The following SEM1 variants were observed in gnomAD, a reference collection of about 807,000 sequenced individuals.
The protein encoded by SEM1 is SEM1 26S proteasome subunit.
In SEM1, 3 loss-of-function variants were observed where a neutral mutation model predicts 12.7. The ratio of observed to expected loss-of-function variants is 0.24; its 90% CI spans 0.11 to 0.61. The LOEUF (loss-of-function observed/expected upper bound fraction) is 0.61, where lower values mean the gene tolerates loss of function less well. Ranked by LOEUF, SEM1 falls within the 20% of genes least tolerant of loss-of-function variation. SEM1 has a pLI of 0.88. For missense variants in SEM1, 59 were observed against 81.3 expected (o/e 0.73, Z 1.06); for synonymous variants, 30 against 27.8 (o/e 1.08, Z -0.25).
intron 2 of SEM1, among the ~76,000 whole-genome samples, chr7:96,529,617 T>TAAA (rs11442837): frequency 6.6e-6 from 1 of 150,450 alleles, no homozygotes; most frequent in Admixed American, 6.6e-5. Flanking sequence ...CAGCTCTTGA[T>TAAA]AAAAAAAAAA....
chr7:96,518,562 C>A (rs1172420168), intron 2 of SEM1, among the ~76,000 whole-genome samples: 1 of 152,038 alleles, frequency 6.6e-6, no homozygotes, highest in Non-Finnish European at 1.5e-5. Context: ...GTTGGGATAT[C>A]ACTGCTGCCA....
intron 1 of SEM1, among the ~76,000 whole-genome samples, chr7:96,707,375 C>T (rs535365791): frequency 6.6e-6 from 1 of 152,308 alleles, no homozygotes; most frequent in Non-Finnish European, 1.5e-5. Context: ...GTGGTTTCAC[C>T]TTGTGGGATG....
At chr7:96,707,581 T>A (rs1417359327) in intron 1 of SEM1, among the ~76,000 whole-genome samples, 5 of 152,248 alleles carry the variant, frequency 3.3e-5, no homozygotes, top group Admixed American at 6.5e-5. Context: ...AATTACTTAA[T>A]GTTAATAAAC....
chr7:96,517,544 T>G (rs1176168776), intron 2 of SEM1, among the ~76,000 whole-genome samples: 2 of 152,160 alleles, frequency 1.3e-5, no homozygotes, highest in Non-Finnish European at 2.9e-5. Context: ...TTTTAGCACA[T>G]ATGTCTATAA....
At chr7:96,688,437 G>A (rs938756860), downstream of SEM1, 3 of 152,008 alleles carry the variant, frequency 2.0e-5, no homozygotes, top group African/African-American at 7.3e-5. Flanking sequence ...TTAAAACACA[G>A]GTTTTGAAAG....
chr7:96,514,279 A>C (rs77648718), intron 2 of SEM1, among the ~76,000 whole-genome samples: 1 of 151,990 alleles, frequency 6.6e-6, no homozygotes, highest in Non-Finnish European at 1.5e-5. Flanking sequence ...GAGTCTTGCT[A>C]TGTTGCCCAG....
intron 2 of SEM1, among the ~76,000 whole-genome samples, chr7:96,520,184 C>T (rs966093217): frequency 4.6e-5 from 7 of 152,132 alleles, no homozygotes; most frequent in African/African-American, 1.7e-4. Context: ...CCAAGGGTCA[C>T]TCATCATACT....
At chr7:96,645,667 T>G in intron 2 of SEM1, 2 of 397,160 alleles carry the variant, frequency 5.0e-6, no homozygotes, top group East Asian at 7.1e-5. Flanking sequence ...TACACAGTAG[T>G]TTTATTTTCA....
chr7:96,632,604 A>G (rs2116343976), intron 2 of SEM1, among the ~76,000 whole-genome samples: 1 of 152,236 alleles, frequency 6.6e-6, no homozygotes, highest in Middle Eastern at 3.4e-3. Context: ...CCTAATGCAG[A>G]TGACAGGTTG....
At chr7:96,523,002 G>A (rs185102892) in intron 2 of SEM1, among the ~76,000 whole-genome samples, 1 of 151,916 alleles carries the variant, frequency 6.6e-6, no homozygotes, top group African/African-American at 2.4e-5. Context: ...TTGCCAATAG[G>A]CTGCTTCTGC....
At chr7:96,673,586 C>T (rs1183375517) in exon 3 of SEM1, 2 of 614,546 alleles carry the variant, frequency 3.3e-6, no homozygotes, top group Non-Finnish European at 5.9e-6. Context: ...CCAGGCTGGA[C>T]CTTCACCCAG....
At chr7:96,681,425 G>C (rs1224632781) in intron 2 of SEM1, among the ~76,000 whole-genome samples, 2 of 152,074 alleles carry the variant, frequency 1.3e-5, no homozygotes, top group African/African-American at 4.8e-5. Context: ...AGTGGGAGTA[G>C]ATAGATTCTT....
At chr7:96,605,282 C>G (rs1807315082) in intron 2 of SEM1, among the ~76,000 whole-genome samples, 1 of 151,992 alleles carries the variant, frequency 6.6e-6, no homozygotes, top group Admixed American at 6.6e-5. Flanking sequence ...GTACAGAGGC[C>G]AAAACTAAAT....
chr7:96,672,653 A>G (rs1288831371), downstream of SEM1: 3 of 152,156 alleles, frequency 2.0e-5, no homozygotes, highest in African/African-American at 7.2e-5. Context: ...CACCATCCCA[A>G]ATCTGATTCT....
chr7:96,704,931 A>C (rs1312061613), intron 1 of SEM1, among the ~76,000 whole-genome samples: 3 of 152,234 alleles, frequency 2.0e-5, no homozygotes, highest in African/African-American at 7.2e-5. Context: ...TGCAGGCACA[A>C]ATATAAAATC....
intron 2 of SEM1, among the ~76,000 whole-genome samples, chr7:96,542,867 T>C (rs992662093): frequency 8.6e-5 from 13 of 151,876 alleles, no homozygotes; most frequent in African/African-American, 3.1e-4. Context: ...TGGACAAAGA[T>C]CTGTATACCA....
intron 1 of SEM1, among the ~76,000 whole-genome samples, chr7:96,705,359 CA>C (rs34525327): frequency 0.43 from 60,861 of 141,972 alleles, 13,090 homozygotes; most frequent in Middle Eastern, 0.6. Flanking sequence ...GCTTCTCTCT[CA>C]AAAAAAAAAA....
chr7:96,519,997 T>C (rs542526189), intron 2 of SEM1, among the ~76,000 whole-genome samples: 4 of 152,250 alleles, frequency 2.6e-5, no homozygotes, highest in Admixed American at 6.5e-5. Flanking sequence ...TGAAACCCAC[T>C]TCAGTCCAAA....
chr7:96,685,222 T>C (rs920138580), downstream of SEM1, among the ~76,000 whole-genome samples: 20 of 152,130 alleles, frequency 1.3e-4, no homozygotes, highest in African/African-American at 4.6e-4. Context: ...TTAGTGGGAA[T>C]AGGATGGACA....
Sources: allele counts gnomAD v4.1 joint callset (sites outside exome capture counted in the v4.1 genomes callset), GRCh38; gene constraint gnomAD v4.1.1; transcripts MANE v1.5; gene names NCBI Gene and HGNC (gene_info 2026-07-23, HGNC 2026-07-21).